SH3GL1: variants seen among roughly 807,000 people sequenced by gnomAD.
SH3GL1 encodes the protein SH3 domain containing GRB2 like 1, endophilin A2, also known as endophilin-A2.
A neutral mutation model predicts 48.8 loss-of-function variants in SH3GL1; 21 were observed. That is an observed-to-expected ratio of 0.43 (90% CI 0.30 to 0.62). The LOEUF is 0.62. Ranked by LOEUF, SH3GL1 falls within the 20% of genes least tolerant of loss-of-function variation. The pLI is 0.11. For synonymous variants in SH3GL1, 282 were observed against 217.5 expected, an observed-to-expected ratio of 1.30 and a Z score of -2.61; for missense variants, 454 against 503.0, an observed-to-expected ratio of 0.90 and a Z score of 0.93.
At chr19:4,396,958 C>T (rs575136245) in intron 1 of SH3GL1, among the ~76,000 whole-genome samples, 23 of 152,206 alleles carry the variant, frequency 1.5e-4, no homozygotes, top group African/African-American at 5.5e-4. Flanking sequence ...ATAAGCAAGA[C>T]CAGCTGAGAC....
At chr19:4,362,220 T>C (rs1441633127) in intron 9 of SH3GL1, 109 bp downstream of exon 9, 9 of 1,149,032 alleles carry the variant, frequency 7.8e-6, no homozygotes, top group Admixed American at 4.0e-5. Context: ...TGCACGAGCC[T>C]GGCCCCTCCC....
intron 1 of SH3GL1, among the ~76,000 whole-genome samples, chr19:4,382,221 T>A (rs1269475902): frequency 1.3e-5 from 2 of 151,376 alleles, no homozygotes; most frequent in Non-Finnish European, 2.9e-5. Flanking sequence ...CTCAGCTCCC[T>A]GTGACCACAG....
In SH3GL1 at chr19:4,363,816, G is replaced by T. The variant is rs770548931; in HGVS notation, c.528C>A (p.Gly176=). The part of the protein sequence containing the change: ...LDFDYKKKRQ[G]KIPDEELRQA... ...GGCGTAGCTCCTCATCGGGGATCTT[G>T]CCCTGCCGCTTCTTCTTGTAGTCAA... Residue 176 remains glycine (G), a synonymous_variant, in exon 6 of 10, where the codon GGC becomes GGA. Transcript: ENST00000269886. The T allele has an allele frequency of 1.2e-6, 2 of 1,612,956 alleles. No homozygotes were observed. Among genetic ancestry groups the T allele is most frequent in the Admixed American group, 1.7e-5 (1 of 60,018 alleles).
chr19:4,362,781 G>T, intron 7 of SH3GL1, 45 bp from the exon 8 acceptor site: 3 of 1,611,702 alleles, frequency 1.9e-6, no homozygotes, highest in Non-Finnish European at 2.5e-6. Flanking sequence ...TGTCACGGCC[G>T]AGGCAGCCCC....
chr19:4,366,057 C>T (rs1372768167), intron 3 of SH3GL1, among the ~76,000 whole-genome samples: 1 of 152,154 alleles, frequency 6.6e-6, no homozygotes, highest in Non-Finnish European at 1.5e-5. Flanking sequence ...TGTGCGTCTG[C>T]CCCCTGTCCG....
intron 3 of SH3GL1, among the ~76,000 whole-genome samples, chr19:4,366,226 G>C (rs1184499724): frequency 6.6e-6 from 1 of 152,216 alleles, no homozygotes; most frequent in Non-Finnish European, 1.5e-5. Flanking sequence ...TGGGGGAGAG[G>C]CTCCCTGCCA....
intron 1 of SH3GL1, among the ~76,000 whole-genome samples, chr19:4,393,297 C>CA (rs5826842): frequency 0.22 from 32,535 of 150,256 alleles, 3,906 homozygotes; most frequent in Admixed American, 0.29. Context: ...AACAAACAAA[C>CA]AAAAAAAAAC....
At chr19:4,395,158 A>G (rs1221565958) in intron 1 of SH3GL1, among the ~76,000 whole-genome samples, 1 of 11,320 alleles carries the variant, frequency 8.8e-5, no homozygotes, top group African/African-American at 4.9e-4. Flanking sequence ...GTCACTGTAA[A>G]TGGTGTTTTT....
At chr19:4,371,848 G>T (rs1348598758) in intron 1 of SH3GL1, among the ~76,000 whole-genome samples, 1 of 152,228 alleles carries the variant, frequency 6.6e-6, no homozygotes, top group African/African-American at 2.4e-5. Context: ...GTCCCTCCCT[G>T]CAGTCCTCCT....
rs1683669770 is a variant in SH3GL1 at position 4,366,783 on chromosome 19, C to T, written c.114+143G>A. On this transcript the variant is annotated intron_variant, in intron 2 of 9. Coordinates refer to ENST00000269886, the MANE Select transcript of SH3GL1 (RefSeq NM_003025.4). ...CCGTCAAGTCCAGCTGACGAGGCCC[C>T]CACACCACCCCATCTCTCCACACCT... The T allele has an allele frequency of 5.3e-6, 5 of 951,826 alleles. No homozygotes were observed. The Admixed American group carries it at 8.5e-5, about 16-fold the overall frequency. The allele number at this position is 951,826 out of a possible 1,614,324, so 59.0% of individuals were successfully genotyped here.
intron 1 of SH3GL1, among the ~76,000 whole-genome samples, chr19:4,387,441 G>T (rs1166294393): frequency 6.6e-6 from 1 of 152,196 alleles, no homozygotes; most frequent in Non-Finnish European, 1.5e-5. Context: ...TGGGCTACAG[G>T]TGTGCACCGC....
intron 6 of SH3GL1, 52 bp from the exon 7 acceptor site, chr19:4,363,525 CT>C: frequency 1.9e-6 from 3 of 1,550,302 alleles, no homozygotes; most frequent in Non-Finnish European, 2.7e-6. Flanking sequence ...TGTCCTGTGC[CT>C]TCCCTGACTC....
chr19:4,364,318 C>T (rs1407644358), intron 4 of SH3GL1, 97 bp from the exon 5 acceptor site: 4 of 1,499,486 alleles, frequency 2.7e-6, no homozygotes, highest in Non-Finnish European at 3.7e-6. Context: ...GTTTCACAGG[C>T]TGGAACGCAG....
chr19:4,371,208 A>C (rs1276683222), intron 1 of SH3GL1, among the ~76,000 whole-genome samples: 1 of 152,268 alleles, frequency 6.6e-6, no homozygotes, highest in Non-Finnish European at 1.5e-5. Context: ...GGGATGTGAC[A>C]CACAGAACAG....
rs975260810 is a variant in SH3GL1 at position 4,367,260 on chromosome 19, G to A, written c.46-266C>T. On this transcript the variant is annotated intron_variant, in intron 1 of 9. Coordinates refer to ENST00000269886, the MANE Select transcript of SH3GL1 (RefSeq NM_003025.4). This position sits in a 1 kb window ranked among gnomAD's most constrained non-coding sequence, Gnocchi z 4.2. The stretch of plus-strand genomic sequence containing the variant: ...CGACTGCCACTCACATACCCACTGG[G>A]GACCCTGCCACAGTAGGCCCCATCT... 6.6e-6 allele frequency among the ~76,000 whole-genome samples: 1 copy of A among 152,148 alleles called. No individual in the cohort carries two copies. Among genetic ancestry groups the A allele is most frequent in the Non-Finnish European group, 1.5e-5 (1 of 68,018 alleles).
At chr19:4,369,338 T>G (rs562389176) in intron 1 of SH3GL1, among the ~76,000 whole-genome samples, 1 of 152,144 alleles carries the variant, frequency 6.6e-6, no homozygotes, top group Non-Finnish European at 1.5e-5. Flanking sequence ...GAGAGGGAAA[T>G]GAGTGGCTGA....
At position 4,389,219 on chromosome 19, in the gene SH3GL1, C is replaced by T. The variant is rs886079422; in HGVS notation, c.45+11105G>A. ...CACACATGCCCGAGCACAGCCCAGC[C>T]TCAGGAGCTGCCGTCCGATGGGAGG... is the stretch of plus-strand genomic sequence containing the variant. On this transcript the variant is annotated intron_variant, in intron 1 of 9. Coordinates refer to ENST00000269886, the MANE Select transcript of SH3GL1 (RefSeq NM_003025.4). This position sits in a 1 kb window ranked among gnomAD's most constrained non-coding sequence, Gnocchi z 4.5. Among the ~76,000 whole-genome samples, 1 of 152,206 alleles carries T rather than the reference C, an allele frequency of 6.6e-6. No individual in the cohort carries two copies. The highest frequency in any genetic ancestry group is 1.5e-5 in the Non-Finnish European group (1 of 68,024).
At position 4,400,482 on chromosome 19, in the gene SH3GL1, C is replaced by T; in HGVS notation, c.-114G>A. 1 of 952,310 alleles carries T rather than the reference C, an allele frequency of 1.1e-6. No homozygotes were observed. Among genetic ancestry groups the T allele is most frequent in the Non-Finnish European group, 1.3e-6 (1 of 763,698 alleles). The allele number at this position is 952,310 out of a possible 1,614,324, so 59.0% of individuals were successfully genotyped here. A position where few individuals can be genotyped will look rare whatever the true frequency, so the allele number is the denominator to read the frequency against. ...CCGTCGGCGCCGCCTCCGCCACCCG[C>T]TTGCCAGCTCCGCGCCCGCCCCGGC... On this transcript the variant is annotated 5_prime_UTR_variant, in exon 1 of 10. Transcript: ENST00000269886. This position sits in a 1 kb window ranked among gnomAD's most constrained non-coding sequence, Gnocchi z 4.1.
At position 4,363,377 on chromosome 19, in the gene SH3GL1, T is replaced by C; in HGVS notation, c.721A>G (p.Lys241Glu). Residue 241 changes from lysine to glutamate, a missense_variant, in exon 7 of 10, where the codon AAG becomes GAG. Lys to Glu is a moderately conservative substitution (Grantham distance 56). Around this residue, in one of 2 missense-constraint regions of SH3GL1, gnomAD observed 278 missense variants for 246.8 expected, o/e 1.13. Transcript: ENST00000269886. Reference protein sequence around the residue: ...QILDELAEKLKRRMREASSRP... With the variant: ...QILDELAEKLERRMREASSRP... Reference sequence around the variant, plus strand: ...CCAAGGCCCTGGGCTCACCTGCGCTTGAGCTTCTCCGCCAGCTCGTCCAGG... The same window carrying C: ...CCAAGGCCCTGGGCTCACCTGCGCTCGAGCTTCTCCGCCAGCTCGTCCAGG... 1.9e-6 allele frequency: 3 copies of C among 1,603,316 alleles called. No homozygotes were observed. The highest frequency in any genetic ancestry group is 2.6e-6 in the Non-Finnish European group (3 of 1,175,578).
Sources: gnomAD v4.1 joint callset for allele counts (sites outside exome capture counted in the v4.1 genomes callset) on GRCh38, gnomAD v4.1.1 for gene constraint, gnomAD v4.1.1 regional missense constraint, Gnocchi (gnomAD v3.1) non-coding constraint, MANE v1.5 for transcripts, NCBI Gene and HGNC (gene_info 2026-07-23, HGNC 2026-07-21) for gene names.